Variants in KIF1A observed in about 807,000 individuals in gnomAD.
The protein encoded by KIF1A is kinesin family member 1A.
In KIF1A, 46 loss-of-function variants were observed where a neutral mutation model predicts 227.3. That is an observed-to-expected ratio of 0.20 (90% confidence interval 0.16 to 0.26). The LOEUF (loss-of-function observed/expected upper bound fraction) is 0.26, where lower values mean the gene tolerates loss of function less well. Among genes scored for constraint, KIF1A ranks in the 10% least tolerant of loss-of-function variants. The pLI is 1.00. For missense variants in KIF1A, 1,683 were observed against 2,485.9 expected (o/e 0.68, Z 6.87); for synonymous variants, 1,022 against 1,012.8 (o/e 1.01, Z -0.17).
chr2:240,760,630 C>T (rs1453135456), intron 25 of KIF1A, 35 bp downstream of exon 25: 2 of 1,427,336 alleles, frequency 1.4e-6, no homozygotes, highest in African/African-American at 1.5e-5. Flanking sequence ...CAGGAGGACC[C>T]TCCCACCATC....
chr2:240,759,603 T>C (rs1264252229), intron 25 of KIF1A, among the ~76,000 whole-genome samples: 14 of 117,626 alleles, frequency 1.2e-4, no homozygotes, highest in Non-Finnish European at 1.1e-4. Flanking sequence ...CCTCCCCCTG[T>C]AGCCCTGCAG....
intron 38 of KIF1A, among the ~76,000 whole-genome samples, chr2:240,734,293 G>C (rs2047071866): frequency 6.6e-6 from 1 of 152,232 alleles, no homozygotes; most frequent in Non-Finnish European, 1.5e-5. Context: ...GAGGGGAGCG[G>C]GGCTGGTCCT....
chr2:240,796,149 A>G (rs2056369476), intron 2 of KIF1A, among the ~76,000 whole-genome samples: 1 of 152,098 alleles, frequency 6.6e-6, no homozygotes, highest in Non-Finnish European at 1.5e-5. Flanking sequence ...CACGGTTCCC[A>G]CCCGGAGTCG....
chr2:240,771,996 G>T (rs1575602161), intron 14 of KIF1A, among the ~76,000 whole-genome samples: 2 of 152,272 alleles, frequency 1.3e-5, no homozygotes, highest in East Asian at 1.9e-4. Context: ...AGCTCGGGGA[G>T]GCACTGAGCC....
chr2:240,776,697 A>C (rs2052763337), intron 10 of KIF1A, among the ~76,000 whole-genome samples: 1 of 152,234 alleles, frequency 6.6e-6, no homozygotes, highest in Non-Finnish European at 1.5e-5. Flanking sequence ...TGGCTTATGA[A>C]GCATTTCCAG....
rs753620726 is a variant in KIF1A, at chr2:240,726,863, C to T, written c.4085G>A (p.Arg1362Gln). The change falls in exon 39 of 49, where the codon CGA becomes CAA. Residue 1362 changes from arginine (R) to glutamine (Q), a missense_variant. This residue lies in a region of KIF1A where 759 missense variants were observed against 1,020.2 expected (regional missense o/e 0.74). Coordinates refer to ENST00000498729, the MANE Select transcript of KIF1A (RefSeq NM_001244008.2). The surrounding 1 kb of genome is among the most constrained non-coding windows in gnomAD (Gnocchi z 5.2). ...GGAGAGTGTCATGTAGATTTTCTCT[C>T]GATAAGGGGTGACCCGGTTCAGCAG... ...SLLLNRVTPY[R>Q]EKIYMTLSAY... The T allele has an allele frequency of 9.9e-6, 16 of 1,612,434 alleles. No homozygotes were observed. Among genetic ancestry groups the T allele is most frequent in the Admixed American group, 6.7e-5 (4 of 59,914 alleles).
Position 240,765,869 on chromosome 2 carries a change from C to T in KIF1A, c.1685-76G>A, listed in dbSNP as rs1017689546. 68 of 1,054,232 alleles carry T rather than the reference C, an allele frequency of 6.5e-5. 1 individual carries two copies. In the African/African-American group the frequency reaches 7.9e-4, roughly 12 times the overall value. 65.3% of individuals were successfully genotyped at this position (1,054,232 alleles called of 1,614,324 possible). A position where few individuals can be genotyped will look rare whatever the true frequency, so the allele number is the denominator to read the frequency against. ...CTACAGCAGCTCGGCTTACCTGGCCCCCGGGCATGGCCTCTTCCAAGCCTC... is the reference window on the plus strand; with the variant it reads ...CTACAGCAGCTCGGCTTACCTGGCCTCCGGGCATGGCCTCTTCCAAGCCTC... On this transcript the variant is annotated intron_variant, in intron 19 of 48. Coordinates refer to ENST00000498729, the MANE Select transcript of KIF1A (RefSeq NM_001244008.2).
chr2:240,761,057 G>C (rs112792896), intron 24 of KIF1A, among the ~76,000 whole-genome samples, 172 bp downstream of exon 24: 6 of 152,236 alleles, frequency 3.9e-5, no homozygotes, highest in Non-Finnish European at 7.3e-5. Context: ...ACCTGGCCAG[G>C]TCTGGGCTCC....
intron 20 of KIF1A, among the ~76,000 whole-genome samples, chr2:240,763,570 G>A (rs2050792438): frequency 6.6e-6 from 1 of 152,190 alleles, no homozygotes. Flanking sequence ...AGTGACATTT[G>A]CAAACCACAG....
At chr2:240,742,797 G>T (rs1482524081) in intron 34 of KIF1A, 132 bp downstream of exon 34, 2 of 788,400 alleles carry the variant, frequency 2.5e-6, no homozygotes. Context: ...CAGGCTCAGG[G>T]TGGCGCCAGA....
In KIF1A at chr2:240,792,875, G is replaced by A. The variant is rs968795069; in HGVS notation, c.107-3563C>T. Among the ~76,000 whole-genome samples, 37 of 152,182 alleles carry A rather than the reference G, an allele frequency of 2.4e-4. No homozygotes were observed. The highest frequency in any genetic ancestry group is 2.2e-3 in the Admixed American group (33 of 15,290). Reference sequence around the variant, plus strand: ...GCAAGGACACAGCAGGAAGGCAGCAGCTGCAGGCTGGGAAGACAGCCCTCC... The same window carrying A: ...GCAAGGACACAGCAGGAAGGCAGCAACTGCAGGCTGGGAAGACAGCCCTCC... On this transcript the variant is annotated intron_variant, in intron 2 of 48. Transcript: ENST00000498729. This position sits in a 1 kb window ranked among gnomAD's most constrained non-coding sequence, Gnocchi z 4.5.
At position 240,736,960 on chromosome 2, in the gene KIF1A, G is replaced by A. The variant is rs1402662222; in HGVS notation, c.4007+103C>T. 6.4e-6 allele frequency: 6 copies of A among 937,884 alleles called. No individual in the cohort carries two copies. Among genetic ancestry groups the A allele is most frequent in the Non-Finnish European group, 8.6e-6 (5 of 578,566 alleles). 58.1% of individuals were successfully genotyped at this position (937,884 alleles called of 1,614,324 possible). On this transcript the variant is annotated intron_variant, in intron 38 of 48. Transcript: ENST00000498729. This position sits in a 1 kb window ranked among gnomAD's most constrained non-coding sequence, Gnocchi z 4.7. ...CAGGAGGGAGGGCCGGGAGAGCGTT[G>A]AGCGGGTCACCTTGTGTGGCTGAAC...
At chr2:240,744,203 C>T in intron 32 of KIF1A, 143 bp from the exon 33 acceptor site, 1 of 630,226 alleles carries the variant, frequency 1.6e-6, no homozygotes, top group Non-Finnish European at 2.9e-6. Context: ...GGGCAGCAGC[C>T]TCCTCTAGGC....
Position 240,757,426 on chromosome 2 carries a change from C to CTCCTCCTCCTCCTCA in KIF1A, c.2750_2751insTGAGGAGGAGGAGGA (p.Glu916_Glu917insAspGluGluGluGlu). The CTCCTCCTCCTCCTCA allele has an allele frequency of 4.2e-6, 1 of 236,122 alleles. No homozygotes were observed. The highest frequency in any genetic ancestry group is 5.5e-6 in the Non-Finnish European group (1 of 182,642). The allele number at this position is 236,122 out of a possible 1,614,324, so 14.6% of individuals were successfully genotyped here. A position where few individuals can be genotyped will look rare whatever the true frequency, so the allele number is the denominator to read the frequency against. On this transcript the variant is annotated inframe_insertion, in exon 27 of 49. Coordinates refer to ENST00000498729, the MANE Select transcript of KIF1A (RefSeq NM_001244008.2). This position sits in a 1 kb window ranked among gnomAD's most constrained non-coding sequence, Gnocchi z 6.2. Reference sequence around the variant, plus strand: ...CCTCCAGGTCCTCCTCCTCCTCATCCTCCTCCTCCTCCTCCTCCTCCTCCT... The same window carrying CTCCTCCTCCTCCTCA: ...CCTCCAGGTCCTCCTCCTCCTCATCCTCCTCCTCCTCCTCATCCTCCTCCTCCTCCTCCTCCTCCT...
intron 1 of KIF1A, among the ~76,000 whole-genome samples, chr2:240,807,130 G>GTATATATATATATATA (rs57742435): frequency 8.4e-5 from 10 of 119,450 alleles, no homozygotes; most frequent in African/African-American, 3.0e-4. Context: ...GTGTGTGTGT[G>GTATATATATATATATA]TATATATATA....
In KIF1A at chr2:240,765,202, C is replaced by A. The variant is rs117956634; in HGVS notation, c.1768+508G>T. 3.8e-3 allele frequency among the ~76,000 whole-genome samples: 579 copies of A among 152,326 alleles called. 9 individuals carry two copies. The highest frequency in any genetic ancestry group is 0.028 in the East Asian group (145 of 5,188). On this transcript the variant is annotated intron_variant, in intron 20 of 48. Coordinates refer to ENST00000498729, the MANE Select transcript of KIF1A (RefSeq NM_001244008.2). ...CTGTCTGACTTCTCTAAAGAAGGGA[C>A]TTTATGCCACGTGTGCCTGCACGTG...
intron 28 of KIF1A, among the ~76,000 whole-genome samples, chr2:240,748,409 C>G (rs1387199275): frequency 2.0e-5 from 3 of 152,196 alleles, no homozygotes; most frequent in Non-Finnish European, 4.4e-5. Context: ...GGCAGCTGCC[C>G]TCACAAGGAC....
At chr2:240,811,607 C>T (rs558756870) in intron 1 of KIF1A, among the ~76,000 whole-genome samples, 4 of 152,224 alleles carry the variant, frequency 2.6e-5, no homozygotes, top group African/African-American at 9.6e-5. Flanking sequence ...GTGAGCTCCC[C>T]TCAAAGACAG....
At chr2:240,794,824 C>T (rs1468864204) in intron 2 of KIF1A, among the ~76,000 whole-genome samples, 1 of 152,154 alleles carries the variant, frequency 6.6e-6, no homozygotes, top group Admixed American at 6.5e-5. Context: ...AACCTGGGGC[C>T]CTGGCTTTCT....
Sources: gnomAD v4.1 joint callset for allele counts (sites outside exome capture counted in the v4.1 genomes callset) on GRCh38, gnomAD v4.1.1 for gene constraint, gnomAD v4.1.1 regional missense constraint, Gnocchi (gnomAD v3.1) non-coding constraint, MANE v1.5 for transcripts, NCBI Gene and HGNC (gene_info 2026-07-23, HGNC 2026-07-21) for gene names.